The following CYP7B1 variants were observed in gnomAD, a reference collection of about 807,000 sequenced individuals.
CYP7B1 encodes the protein cytochrome P450 7B1.
A neutral mutation model predicts 42.7 loss-of-function variants in CYP7B1; 29 were observed. The observed-to-expected ratio is 0.68, with a 90% CI of 0.51 to 0.93. The LOEUF (loss-of-function observed/expected upper bound fraction) is 0.93, where lower values mean the gene tolerates loss of function less well. Ranked by LOEUF, CYP7B1 falls within the 40% of genes least tolerant of loss-of-function variation. CYP7B1 has a pLI of 0.00. For missense variants in CYP7B1, 655 were observed against 600.5 expected, an observed-to-expected ratio of 1.09 and a Z score of -0.95; for synonymous variants, 235 against 218.2, an observed-to-expected ratio of 1.08 and a Z score of -0.68.
At position 64,677,819 on chromosome 8, in the gene CYP7B1, T is replaced by C. The variant is rs1400609066; in HGVS notation, c.123-53280A>G. ...TGAGATCATTGTCATGTAGTTAGCA[T>C]ACTTTCTGGCACATAATAAGTGTTT... On this transcript the variant is annotated intron_variant, in intron 1 of 5. Coordinates refer to ENST00000310193, the MANE Select transcript of CYP7B1 (RefSeq NM_004820.5). Among the ~76,000 whole-genome samples, 4 of 148,944 alleles carry C rather than the reference T, an allele frequency of 2.7e-5. No individual in the cohort carries two copies. In the East Asian group the frequency reaches 8.1e-4, roughly 30 times the overall value.
At chr8:64,773,852 T>C (rs949546157) in intron 1 of CYP7B1, among the ~76,000 whole-genome samples, 2 of 152,154 alleles carry the variant, frequency 1.3e-5, no homozygotes, top group Non-Finnish European at 2.9e-5. Context: ...AAATCCACTC[T>C]CACAATAAAT....
At chr8:64,658,789 T>C (rs1370701635) in intron 1 of CYP7B1, among the ~76,000 whole-genome samples, 1 of 152,188 alleles carries the variant, frequency 6.6e-6, no homozygotes, top group Non-Finnish European at 1.5e-5. Flanking sequence ...TAGAATTCTA[T>C]ATAAAATTCA....
chr8:64,793,376 AT>A (rs1316291424), intron 1 of CYP7B1, among the ~76,000 whole-genome samples: 1 of 151,798 alleles, frequency 6.6e-6, no homozygotes, highest in Admixed American at 6.6e-5. Flanking sequence ...CAGAAAAACT[AT>A]TTTTTTTCAT....
At chr8:64,706,980 C>T (rs141597899) in intron 1 of CYP7B1, among the ~76,000 whole-genome samples, 2 of 152,152 alleles carry the variant, frequency 1.3e-5, no homozygotes, top group East Asian at 3.9e-4. Flanking sequence ...CACTTAATAC[C>T]ATCCAGTAGA....
At chr8:64,601,384 A>AC (rs1805200297) in intron 5 of CYP7B1, among the ~76,000 whole-genome samples, 1 of 152,132 alleles carries the variant, frequency 6.6e-6, no homozygotes, top group Admixed American at 6.5e-5. Flanking sequence ...TTTTTTCCCT[A>AC]TAAACCCCAC....
intron 1 of CYP7B1, among the ~76,000 whole-genome samples, chr8:64,783,520 GA>G (rs1804466758): frequency 1.3e-5 from 2 of 150,158 alleles, no homozygotes; most frequent in African/African-American, 4.9e-5. Flanking sequence ...AGGGCTGAAA[GA>G]GAGAAAAAAT....
At chr8:64,643,542 GT>G in intron 1 of CYP7B1, among the ~76,000 whole-genome samples, 1 of 152,278 alleles carries the variant, frequency 6.6e-6, no homozygotes, top group East Asian at 1.9e-4. Flanking sequence ...ATTACTGAAG[GT>G]TGGAGTGACT....
chr8:64,727,311 C>G (rs1014662912), intron 1 of CYP7B1, among the ~76,000 whole-genome samples: 2 of 152,184 alleles, frequency 1.3e-5, no homozygotes, highest in African/African-American at 4.8e-5. Context: ...CACCATTTCT[C>G]TTTGCTGACT....
intron 1 of CYP7B1, among the ~76,000 whole-genome samples, chr8:64,730,776 C>CACAT (rs1807396955): frequency 6.6e-6 from 1 of 151,810 alleles, no homozygotes; most frequent in Admixed American, 6.6e-5. Context: ...CACACACACA[C>CACAT]ACACACACAC....
At chr8:64,597,419 T>C (rs1042083317) in intron 5 of CYP7B1, among the ~76,000 whole-genome samples, 1 of 152,226 alleles carries the variant, frequency 6.6e-6, no homozygotes, top group Non-Finnish European at 1.5e-5. Flanking sequence ...ATGAGAACTA[T>C]GAGTTTAGGA....
At chr8:64,666,906 C>A (rs956937912) in intron 1 of CYP7B1, among the ~76,000 whole-genome samples, 5 of 152,252 alleles carry the variant, frequency 3.3e-5, no homozygotes, top group Admixed American at 1.3e-4. Flanking sequence ...AATGTACCTA[C>A]CCTACAATGT....
intron 1 of CYP7B1, among the ~76,000 whole-genome samples, chr8:64,778,695 T>C (rs1370266917): frequency 6.6e-6 from 1 of 152,122 alleles, no homozygotes; most frequent in Non-Finnish European, 1.5e-5. Context: ...GTTTTACTTT[T>C]GAAAACAAAT....
chr8:64,600,467 G>A (rs964330740), intron 5 of CYP7B1, among the ~76,000 whole-genome samples: 1 of 152,056 alleles, frequency 6.6e-6, no homozygotes, highest in African/African-American at 2.4e-5. Flanking sequence ...ATATAAATTA[G>A]ACAAATATAA....
At chr8:64,657,218 A>C (rs1476866209) in intron 1 of CYP7B1, among the ~76,000 whole-genome samples, 1 of 152,170 alleles carries the variant, frequency 6.6e-6, no homozygotes, top group Non-Finnish European at 1.5e-5. Flanking sequence ...CCACGACCTC[A>C]GTAGCTTCAC....
At position 64,592,130 on chromosome 8, in the gene CYP7B1, G is replaced by A. The variant is rs1265801303; in HGVS notation, c.*4512C>T. ...TTGAACCCAGGAAGTGGAGGTTGCA[G>A]TGAGCTGAGATCATGCCACTGGACT... is the stretch of plus-strand genomic sequence containing the variant. On this transcript the variant is annotated 3_prime_UTR_variant, in exon 6 of 6. Coordinates refer to ENST00000310193, the MANE Select transcript of CYP7B1 (RefSeq NM_004820.5). 1.3e-5 allele frequency among the ~76,000 whole-genome samples: 2 copies of A among 151,876 alleles called. No homozygotes were observed. Among genetic ancestry groups the A allele is most frequent in the Non-Finnish European group, 2.9e-5 (2 of 68,006 alleles).
At position 64,616,291 on chromosome 8, in the gene CYP7B1, A is replaced by C. The variant is rs755551403; in HGVS notation, c.260-10T>G. On this transcript the variant is annotated splice_polypyrimidine_tract_variant and intron_variant, in intron 2 of 5. Transcript: ENST00000310193. The stretch of plus-strand genomic sequence containing the variant: ...AATGTTATGTACTTTCCTAGAAAAA[A>C]AAAAAGAGAGAGAAAATATGAGTTC... The C allele has an allele frequency of 8.0e-6, 12 of 1,506,422 alleles. 1 individual carries two copies. The highest frequency in any genetic ancestry group is 2.2e-4 in the Middle Eastern group (1 of 4,550). The allele number at this position is 1,506,422 out of a possible 1,614,324, so 93.3% of individuals were successfully genotyped here.
chr8:64,669,457 A>T (rs1806332442), intron 1 of CYP7B1, among the ~76,000 whole-genome samples: 2 of 152,126 alleles, frequency 1.3e-5, no homozygotes, highest in Admixed American at 6.6e-5. Context: ...GGGCAGGAAA[A>T]AGGGTGCAAA....
chr8:64,751,717 T>A (rs1807728300), intron 1 of CYP7B1, among the ~76,000 whole-genome samples: 2 of 152,186 alleles, frequency 1.3e-5, no homozygotes, highest in Admixed American at 1.3e-4. Flanking sequence ...ACTGACAGTA[T>A]ATGGGAGTGC....
At chr8:64,754,270 C>T (rs939576398) in intron 1 of CYP7B1, among the ~76,000 whole-genome samples, 8 of 152,132 alleles carry the variant, frequency 5.3e-5, no homozygotes, top group Non-Finnish European at 8.8e-5. Context: ...GATTACATCA[C>T]GAAAGCCCTG....
Sources: gnomAD v4.1 joint callset for allele counts (sites outside exome capture counted in the v4.1 genomes callset) on GRCh38, gnomAD v4.1.1 for gene constraint, MANE v1.5 for transcripts, NCBI Gene and HGNC (gene_info 2026-07-23, HGNC 2026-07-21) for gene names.